Variants in CYFIP2 observed in about 807,000 individuals in gnomAD.
CYFIP2 encodes the protein cytoplasmic FMR1-interacting protein 2.
CYFIP2 carries 29 observed loss-of-function variants against 158.7 expected under a neutral mutation model. The ratio of observed to expected loss-of-function variants is 0.18; its 90% CI spans 0.14 to 0.25. The LOEUF is 0.25. Among genes scored for constraint, CYFIP2 ranks in the 10% least tolerant of loss-of-function variants. The probability of loss-of-function intolerance (pLI) is 1.00; values close to 1 mark genes in which losing one functional copy is unlikely to be tolerated. For synonymous variants in CYFIP2, 585 were observed against 617.6 expected (o/e 0.95, Z 0.78); for missense variants, 852 against 1,639.5 (o/e 0.52, Z 8.29).
chr5:157,378,426 T>A (rs1052990237), intron 26 of CYFIP2, among the ~76,000 whole-genome samples: 5 of 152,124 alleles, frequency 3.3e-5, no homozygotes, highest in African/African-American at 1.2e-4. Context: ...CAGATGTGAG[T>A]GAGGCTGAAG....
intron 3 of CYFIP2, among the ~76,000 whole-genome samples, chr5:157,293,372 G>T (rs529479555): frequency 1.3e-5 from 2 of 152,014 alleles, no homozygotes; most frequent in African/African-American, 4.8e-5. Context: ...CCAGGTATTC[G>T]GACCTTGAGT....
intron 1 of CYFIP2, chr5:157,269,405 T>A (rs531889954): frequency 6.6e-6 from 1 of 152,300 alleles, no homozygotes; most frequent in South Asian, 2.1e-4. Flanking sequence ...TCCAAAAATG[T>A]TGAGGGCATG....
chr5:157,368,894 G>GTTT (rs1175045539), intron 26 of CYFIP2, among the ~76,000 whole-genome samples: 1 of 109,142 alleles, frequency 9.2e-6, no homozygotes, highest in Non-Finnish European at 2.0e-5. Flanking sequence ...GAGGTTTTTT[G>GTTT]TTTTTTTGTT....
intron 23 of CYFIP2, chr5:157,345,260 T>C (rs1318432892): frequency 6.6e-6 from 1 of 152,282 alleles, no homozygotes. Context: ...AGGAATCCTG[T>C]TTCTTGTCAC....
At chr5:157,285,667 C>T (rs1297596027) in intron 2 of CYFIP2, among the ~76,000 whole-genome samples, 189 bp downstream of exon 2, 1 of 152,216 alleles carries the variant, frequency 6.6e-6, no homozygotes, top group East Asian at 1.9e-4. Flanking sequence ...TGCCGCAGGA[C>T]TGTTTCCCTC....
chr5:157,281,588 C>G (rs1756992663), intron 1 of CYFIP2, among the ~76,000 whole-genome samples: 1 of 152,244 alleles, frequency 6.6e-6, no homozygotes, highest in South Asian at 2.1e-4. Context: ...GCACATCACT[C>G]GATTTTAAAA....
chr5:157,373,001 G>T (rs914724872), intron 26 of CYFIP2, among the ~76,000 whole-genome samples: 1 of 152,152 alleles, frequency 6.6e-6, no homozygotes, highest in Non-Finnish European at 1.5e-5. Flanking sequence ...GCCTTTCCAC[G>T]CTTGAGCCGA....
intron 5 of CYFIP2, among the ~76,000 whole-genome samples, chr5:157,299,966 C>G (rs1285731784): frequency 1.3e-5 from 2 of 152,182 alleles, no homozygotes; most frequent in African/African-American, 4.8e-5. Flanking sequence ...GCTTGCTTGT[C>G]TGTTTTTCTC....
chr5:157,370,061 A>C (rs777737531), intron 26 of CYFIP2, among the ~76,000 whole-genome samples: 1 of 152,010 alleles, frequency 6.6e-6, no homozygotes, highest in African/African-American at 2.4e-5. Context: ...TTGTATTTTT[A>C]GTAGAGACCA....
At chr5:157,272,992 G>A (rs1422609652) in intron 1 of CYFIP2, among the ~76,000 whole-genome samples, 3 of 151,992 alleles carry the variant, frequency 2.0e-5, no homozygotes, top group Non-Finnish European at 2.9e-5. Flanking sequence ...TCAGCCTCCC[G>A]AGTAGCTGGG....
At chr5:157,383,093 AT>A in intron 27 of CYFIP2, 171 bp from the exon 28 acceptor site, 4 of 610,846 alleles carry the variant, frequency 6.5e-6, no homozygotes, top group African/African-American at 1.8e-5. Flanking sequence ...ATCATAGAAC[AT>A]TTTTCCTTGT....
Position 157,394,163 on chromosome 5 carries a change from G to A in CYFIP2, c.*1163G>A, listed in dbSNP as rs1321420559. The stretch of plus-strand genomic sequence containing the variant: ...TACATTCCTTAAGTTAGACTTTCGG[G>A]TGTGGCTTCTCTCCCAGGGGTAACA... On this transcript the variant is annotated 3_prime_UTR_variant, in exon 31 of 31. Transcript: ENST00000620254. 6.6e-6 allele frequency: 1 copy of A among 152,086 alleles called. No homozygotes were observed. Among genetic ancestry groups the A allele is most frequent in the Non-Finnish European group, 1.5e-5 (1 of 68,030 alleles). 9.4% of individuals were successfully genotyped at this position (152,086 alleles called of 1,614,324 possible). A position where few individuals can be genotyped will look rare whatever the true frequency, so the allele number is the denominator to read the frequency against.
chr5:157,335,559 A>G (rs187272596), intron 21 of CYFIP2, among the ~76,000 whole-genome samples: 1 of 152,332 alleles, frequency 6.6e-6, no homozygotes, highest in African/African-American at 2.4e-5. Context: ...ATACATAGTT[A>G]GCACTTAATA....
chr5:157,332,505 A>G (rs1761542133), intron 20 of CYFIP2, among the ~76,000 whole-genome samples: 1 of 152,236 alleles, frequency 6.6e-6, no homozygotes, highest in African/African-American at 2.4e-5. Flanking sequence ...TTATAAAAAC[A>G]GAATAGAATG....
rs566892803 is a variant in CYFIP2 at position 157,286,902 on chromosome 5, A to G, written c.118-117A>G. ...GGGGCAAGATGAAAGGTGACGCAGC[A>G]GGAGGTTTCCACAGAGAGCTTGCGT... On this transcript the variant is annotated intron_variant, in intron 2 of 30. Coordinates refer to ENST00000620254, the MANE Select transcript of CYFIP2 (RefSeq NM_001037333.3). The G allele has an allele frequency of 8.4e-5, 57 of 682,118 alleles. No individual in the cohort carries two copies. In the South Asian group the frequency reaches 8.7e-4, roughly 10 times the overall value. 42.3% of individuals were successfully genotyped at this position (682,118 alleles called of 1,614,324 possible).
chr5:157,267,213 C>A (rs1755676304), intron 1 of CYFIP2, among the ~76,000 whole-genome samples: 1 of 152,234 alleles, frequency 6.6e-6, no homozygotes, highest in Non-Finnish European at 1.5e-5. Flanking sequence ...TCCAGCTAGG[C>A]CAAGAATGGG....
rs1321978919 is a variant in CYFIP2 at position 157,325,873 on chromosome 5, T to C, written c.1982+235T>C. On this transcript the variant is annotated intron_variant, in intron 17 of 30. Transcript: ENST00000620254. ...TGCCTTGTCAGCCTCATAACAGCTATGCTCAGAAAAGAATCATCTCAGGAG... is the reference window on the plus strand; with the variant it reads ...TGCCTTGTCAGCCTCATAACAGCTACGCTCAGAAAAGAATCATCTCAGGAG... 3 of 549,136 alleles carry C rather than the reference T, an allele frequency of 5.5e-6. No homozygotes were observed. In the South Asian group the frequency reaches 8.4e-5, roughly 15 times the overall value. The allele number at this position is 549,136 out of a possible 1,614,324, so 34.0% of individuals were successfully genotyped here.
intron 14 of CYFIP2, among the ~76,000 whole-genome samples, chr5:157,320,147 C>G (rs1004115993): frequency 6.6e-6 from 1 of 152,154 alleles, no homozygotes; most frequent in Non-Finnish European, 1.5e-5. Flanking sequence ...GGTTGCTGAC[C>G]TTCTCCAAAC....
rs555375517 is a variant in CYFIP2 at position 157,357,728 on chromosome 5, G to T, written c.2674-1277G>T. On this transcript the variant is annotated intron_variant, in intron 23 of 30. Coordinates refer to ENST00000620254, the MANE Select transcript of CYFIP2 (RefSeq NM_001037333.3). ...CACCTGTAATCCCAACTACTTGGGAGGCTGAAGCAGGAGAATTGCTTGAAC... is the reference window on the plus strand; with the variant it reads ...CACCTGTAATCCCAACTACTTGGGATGCTGAAGCAGGAGAATTGCTTGAAC... 3.9e-5 allele frequency among the ~76,000 whole-genome samples: 6 copies of T among 152,192 alleles called. No homozygotes were observed. In the East Asian group the frequency reaches 1.2e-3, roughly 29 times the overall value.
Sources: gnomAD v4.1 joint callset for allele counts (sites outside exome capture counted in the v4.1 genomes callset) on GRCh38, gnomAD v4.1.1 for gene constraint, MANE v1.5 for transcripts, NCBI Gene and HGNC (gene_info 2026-07-23, HGNC 2026-07-21) for gene names.